UGT2B7: variants seen among roughly 807,000 people sequenced by gnomAD.
UGT2B7 encodes the protein UDP glucuronosyltransferase family 2 member B7, also known as UDP-glucuronosyltransferase 2B7.
Under a neutral mutation model 51.9 loss-of-function variants are expected in UGT2B7, and 51 were observed. The ratio of observed to expected loss-of-function variants is 0.98; its 90% CI spans 0.78 to 1.24. The LOEUF is 1.24. UGT2B7 is among the 50% of genes most tolerant of loss of function. The pLI is 0.00. For missense variants in UGT2B7, 727 were observed against 628.4 expected, an observed-to-expected ratio of 1.16 and a Z score of -1.68; for synonymous variants, 225 against 211.6, an observed-to-expected ratio of 1.06 and a Z score of -0.55.
intron 1 of UGT2B7, among the ~76,000 whole-genome samples, chr4:69,081,071 T>C (rs1180327422): frequency 6.6e-6 from 1 of 152,186 alleles, no homozygotes; most frequent in Non-Finnish European, 1.5e-5. Flanking sequence ...ATTATTTACA[T>C]AGAGAAATAT....
At chr4:69,104,010 C>T (rs1164680126) in intron 3 of UGT2B7, among the ~76,000 whole-genome samples, 1 of 152,050 alleles carries the variant, frequency 6.6e-6, no homozygotes, top group Non-Finnish European at 1.5e-5. Context: ...AACTATAGGC[C>T]AGGCACGGTA....
At chr4:69,098,817 A>T (rs1719331186) in intron 2 of UGT2B7, 129 bp downstream of exon 2, 7 of 1,472,106 alleles carry the variant, frequency 4.8e-6, no homozygotes, top group Admixed American at 4.6e-5. Context: ...TAAAGCAGAT[A>T]CCAATTAGAA....
At chr4:69,112,359 C>T (rs1248167575) in intron 5 of UGT2B7, 98 bp from the exon 6 acceptor site, 31 of 1,474,870 alleles carry the variant, frequency 2.1e-5, no homozygotes, top group Non-Finnish European at 2.6e-5. Context: ...TGCCGATGCT[C>T]CCAGCCGAAT....
chr4:69,093,601 C>T (rs746128575), upstream of UGT2B7, among the ~76,000 whole-genome samples: 2 of 152,204 alleles, frequency 1.3e-5, no homozygotes, highest in African/African-American at 2.4e-5. Flanking sequence ...CGTCTCTACA[C>T]GTGCCTGAGT....
At chr4:69,070,210 CTT>C (rs906149710) in intron 1 of UGT2B7, among the ~76,000 whole-genome samples, 3 of 147,508 alleles carry the variant, frequency 2.0e-5, no homozygotes, top group East Asian at 3.9e-4. Context: ...AAAAAAACCT[CTT>C]CTTTTATATA....
intron 1 of UGT2B7, 121 bp from the exon 2 acceptor site, chr4:69,098,419 A>T: frequency 8.9e-7 from 1 of 1,126,576 alleles, no homozygotes; most frequent in Non-Finnish European, 1.2e-6. Flanking sequence ...ATATGTGTAT[A>T]TATTTTTCAA....
intron 1 of UGT2B7, among the ~76,000 whole-genome samples, chr4:69,073,035 C>T (rs759850899): frequency 3.3e-5 from 5 of 152,042 alleles, no homozygotes; most frequent in Non-Finnish European, 7.4e-5. Context: ...GGTTCTCCAC[C>T]TCCCTGGTGG....
At chr4:69,097,388 C>T in intron 1 of UGT2B7, 147 bp downstream of exon 1, 1 of 1,013,370 alleles carries the variant, frequency 9.9e-7, no homozygotes, top group Non-Finnish European at 1.4e-6. Context: ...ATTAATCTCA[C>T]AAATATTATA....
rs1560499772 is a variant in UGT2B7, at chr4:69,064,100, A to AGAG, written c.-159+12498_-159+12499insGAG. On this transcript the variant is annotated intron_variant, in intron 1 of 5. Transcript: ENST00000502942. The stretch of plus-strand genomic sequence containing the variant: ...AGAAAGAAAGAAAGAAAGAAAGAGA[A>AGAG]AGAAAGAAAGAAAAAGAAAGAAAGA... 3.7e-3 allele frequency among the ~76,000 whole-genome samples: 389 copies of AGAG among 104,708 alleles called. 11 individuals carry two copies. Among genetic ancestry groups the AGAG allele is most frequent in the East Asian group, 4.5e-3 (14 of 3,118 alleles). 68.7% of individuals were successfully genotyped at this position (104,708 alleles called of 152,430 possible). A position where few individuals can be genotyped will look rare whatever the true frequency, so the allele number is the denominator to read the frequency against.
Position 69,064,104 on chromosome 4 carries a change from A to AG in UGT2B7, c.-159+12502_-159+12503insG, listed in dbSNP as rs1560499781. Among the ~76,000 whole-genome samples the AG allele has an allele frequency of 1.9e-3, 212 of 110,446 alleles. 3 individuals are homozygous for AG. Among genetic ancestry groups the AG allele is most frequent in the South Asian group, 5.0e-3 (17 of 3,418 alleles). The allele number at this position is 110,446 out of a possible 152,430, so 72.5% of individuals were successfully genotyped here. A position where few individuals can be genotyped will look rare whatever the true frequency, so the allele number is the denominator to read the frequency against. ...AGAAAGAAAGAAAGAAAGAGAAAGA[A>AG]AGAAAGAAAAAGAAAGAAAGAAAGA... On this transcript the variant is annotated intron_variant, in intron 1 of 5. Transcript: ENST00000502942.
At chr4:69,060,897 C>G (rs1718330482) in intron 1 of UGT2B7, among the ~76,000 whole-genome samples, 1 of 152,200 alleles carries the variant, frequency 6.6e-6, no homozygotes, top group Admixed American at 6.5e-5. Context: ...ACCCAGCTAC[C>G]TTGCTCCCCA....
intron 1 of UGT2B7, among the ~76,000 whole-genome samples, chr4:69,072,826 G>A (rs1231642778): frequency 1.3e-5 from 2 of 151,988 alleles, no homozygotes; most frequent in East Asian, 3.9e-4. Flanking sequence ...GCACCCAGGG[G>A]ACAATAAATT....
intron 1 of UGT2B7, among the ~76,000 whole-genome samples, chr4:69,075,944 A>G (rs6600870): frequency 0.43 from 64,677 of 151,160 alleles, 15,316 homozygotes; most frequent in African/African-American, 0.64. Flanking sequence ...CCCTCCCCAT[A>G]ACAGGCCCCA....
intron 2 of UGT2B7, among the ~76,000 whole-genome samples, chr4:69,090,604 A>G (rs1023065271): frequency 3.9e-5 from 6 of 152,178 alleles, no homozygotes; most frequent in African/African-American, 1.4e-4. Flanking sequence ...AAAGCATGGA[A>G]AAGACTCATC....
chr4:69,082,521 A>G (rs143804846), intron 1 of UGT2B7, among the ~76,000 whole-genome samples: 315 of 152,174 alleles, frequency 2.1e-3, no homozygotes, highest in African/African-American at 6.5e-3. Flanking sequence ...TTTAATCTGG[A>G]TATATCAAAC....
At chr4:69,085,067 C>A (rs1035317257) in intron 1 of UGT2B7, among the ~76,000 whole-genome samples, 3 of 152,120 alleles carry the variant, frequency 2.0e-5, no homozygotes, top group Admixed American at 2.0e-4. Context: ...AACAGTTGAA[C>A]TAATTTACAC....
chr4:69,110,677 T>G (rs1250502404), intron 5 of UGT2B7, among the ~76,000 whole-genome samples: 1 of 152,056 alleles, frequency 6.6e-6, no homozygotes, highest in Non-Finnish European at 1.5e-5. Flanking sequence ...AGCAAACTAA[T>G]GTATGCTATT....
At chr4:69,110,556 CTG>C (rs1719743768) in intron 5 of UGT2B7, among the ~76,000 whole-genome samples, 1 of 151,952 alleles carries the variant, frequency 6.6e-6, no homozygotes, top group African/African-American at 2.4e-5. Context: ...AAGACATAAT[CTG>C]TGCTTTATCA....
chr4:69,075,336 A>G (rs573038167), intron 1 of UGT2B7, among the ~76,000 whole-genome samples: 99 of 152,236 alleles, frequency 6.5e-4, no homozygotes, highest in African/African-American at 2.3e-3. Context: ...GCAGTACATT[A>G]TCTCTGTCTC....
Sources: gnomAD v4.1 joint callset for allele counts (sites outside exome capture counted in the v4.1 genomes callset) on GRCh38, gnomAD v4.1.1 for gene constraint, MANE v1.5 for transcripts, NCBI Gene and HGNC (gene_info 2026-07-23, HGNC 2026-07-21) for gene names.